BHLHE40: variants seen among roughly 807,000 people sequenced by gnomAD.
BHLHE40 encodes the protein basic helix-loop-helix family member e40.
A neutral mutation model predicts 35.7 loss-of-function variants in BHLHE40; 3 were observed. That is an observed-to-expected ratio of 0.08 (90% CI 0.04 to 0.22). BHLHE40 has a LOEUF of 0.22. BHLHE40 is among the 10% of genes least tolerant of loss of function. BHLHE40 has a pLI of 1.00. For missense variants in BHLHE40, 486 were observed against 524.0 expected, an observed-to-expected ratio of 0.93 and a Z score of 0.71; for synonymous variants, 236 against 213.0, an observed-to-expected ratio of 1.11 and a Z score of -0.94.
rs1437704997 is a variant in BHLHE40 at position 4,980,220 on chromosome 3, C to T, written c.151-81C>T. On this transcript the variant is annotated intron_variant, in intron 2 of 4. Coordinates refer to ENST00000256495, the MANE Select transcript of BHLHE40 (RefSeq NM_003670.3). ...CTACTCTGCTACTCTGCTCCTCTGC[C>T]GGACTGTTGCTGCGGGGCTGGGAGG... 2.3e-6 allele frequency: 3 copies of T among 1,316,448 alleles called. No homozygotes were observed. In the Admixed American group the frequency reaches 5.1e-5, roughly 23 times the overall value. The allele number at this position is 1,316,448 out of a possible 1,614,324, so 81.5% of individuals were successfully genotyped here.
intron 4 of BHLHE40, 38 bp from the exon 5 acceptor site, chr3:4,982,798 C>T: frequency 6.2e-7 from 1 of 1,612,408 alleles, no homozygotes; most frequent in South Asian, 1.1e-5. Context: ...CGCCACAGGC[C>T]TTCTGAAACG....
At chr3:4,980,229 G>C (rs556258872) in intron 2 of BHLHE40, 72 bp from the exon 3 acceptor site, 86 of 1,371,146 alleles carry the variant, frequency 6.3e-5, no homozygotes, top group African/African-American at 6.1e-4. Context: ...CCGGACTGTT[G>C]CTGCGGGGCT....
chr3:4,979,637 C>A lies in BHLHE40; in HGVS notation c.-82C>A. On this transcript the variant is annotated 5_prime_UTR_variant, in exon 1 of 5. Coordinates refer to ENST00000256495, the MANE Select transcript of BHLHE40 (RefSeq NM_003670.3). ...AGAGGAACATCTGCGGAGAGACCCC[C>A]GAAGCCCTCTCCAGGGCAGTCCTCA... The A allele has an allele frequency of 1.4e-6, 2 of 1,408,306 alleles. No homozygotes were observed. The highest frequency in any genetic ancestry group is 9.7e-7 in the Non-Finnish European group (1 of 1,026,544). The allele number at this position is 1,408,306 out of a possible 1,614,324, so 87.2% of individuals were successfully genotyped here.
chr3:4,983,850 G>A lies in BHLHE40; in HGVS notation c.*158G>A, dbSNP rs79071212. 1,615 of 955,996 alleles carry A rather than the reference G, an allele frequency of 1.7e-3. No homozygotes were observed. The highest frequency in any genetic ancestry group is 2.1e-3 in the East Asian group (84 of 39,306). The allele number at this position is 955,996 out of a possible 1,614,324, so 59.2% of individuals were successfully genotyped here. Reference sequence around the variant, plus strand: ...TCAGGGTGTGTGTGTGTGTGTGTGTGTGTGTATGTGCGTGTGCGTGCACAT... The same window carrying A: ...TCAGGGTGTGTGTGTGTGTGTGTGTATGTGTATGTGCGTGTGCGTGCACAT... On this transcript the variant is annotated 3_prime_UTR_variant, in exon 5 of 5. Coordinates refer to ENST00000256495, the MANE Select transcript of BHLHE40 (RefSeq NM_003670.3). The surrounding 1 kb of genome is among the most constrained non-coding windows in gnomAD (Gnocchi z 5.0).
intron 3 of BHLHE40, among the ~76,000 whole-genome samples, chr3:4,981,142 GTTTT>G (rs1158020919): frequency 6.8e-6 from 1 of 147,772 alleles, no homozygotes; most frequent in African/African-American, 2.5e-5. Context: ...GGTGGCACCC[GTTTT>G]TTTAAATTAT....
At chr3:4,981,217 CAT>C (rs1383983656) in intron 3 of BHLHE40, among the ~76,000 whole-genome samples, 173 bp from the exon 4 acceptor site, 5 of 129,336 alleles carry the variant, frequency 3.9e-5, no homozygotes, top group African/African-American at 8.8e-5. Flanking sequence ...CACACACACA[CAT>C]ATATGAGTGT....
chr3:4,984,923 A>G lies in BHLHE40; in HGVS notation c.*1231A>G, dbSNP rs2053233643. ...ATTTGTAAAGCTGTTATAAATATAT[A>G]TTATATAAATATATTAAAAAGGAAA... On this transcript the variant is annotated 3_prime_UTR_variant, in exon 5 of 5. Transcript: ENST00000256495. The G allele has an allele frequency of 6.6e-6, 1 of 151,704 alleles. No individual in the cohort carries two copies. The highest frequency in any genetic ancestry group is 1.5e-5 in the Non-Finnish European group (1 of 67,790). The allele number at this position is 151,704 out of a possible 1,614,324, so 9.4% of individuals were successfully genotyped here.
chr3:4,983,653 G>C lies in BHLHE40; in HGVS notation c.1200G>C (p.Leu400=). ...ACTCTTCTGTCTTGCTCCAAGCTCT[G>C]AAGCCAATCCCCCCTTTAAACTTAG... ...SVDSSVLLQA[L]KPIPPLNLET... The change falls in exon 5 of 5, where the codon CTG becomes CTC. Residue 400 remains leucine, a synonymous_variant. Transcript: ENST00000256495. The surrounding 1 kb of genome is among the most constrained non-coding windows in gnomAD (Gnocchi z 5.0). The C allele has an allele frequency of 6.2e-7, 1 of 1,613,442 alleles. No homozygotes were observed. The highest frequency in any genetic ancestry group is 8.5e-7 in the Non-Finnish European group (1 of 1,179,630).
chr3:4,979,506 G>C lies in BHLHE40; in HGVS notation c.-213G>C. On this transcript the variant is annotated 5_prime_UTR_variant, in exon 1 of 5. Transcript: ENST00000256495. The stretch of plus-strand genomic sequence containing the variant: ...ACACCGCCAGTCTGTGCGCTGAGTC[G>C]GAGCCAGAGGCCGCGGGGACACCGG... 3.3e-6 allele frequency: 2 copies of C among 603,580 alleles called. No homozygotes were observed. Among genetic ancestry groups the C allele is most frequent in the Non-Finnish European group, 2.9e-6 (1 of 341,494 alleles). The allele number at this position is 603,580 out of a possible 1,614,324, so 37.4% of individuals were successfully genotyped here. A position where few individuals can be genotyped will look rare whatever the true frequency, so the allele number is the denominator to read the frequency against.
chr3:4,984,281 T>TG lies in BHLHE40; in HGVS notation c.*593dup, dbSNP rs1201099095. ...GCACTGGCATAGCACGGTAGTGGTT[T>TG]GGGGAGGTTTCCGCAGGTCTGCTCC... On this transcript the variant is annotated 3_prime_UTR_variant, in exon 5 of 5. Transcript: ENST00000256495. 2 of 152,668 alleles carry TG rather than the reference T, an allele frequency of 1.3e-5. No individual in the cohort carries two copies. Among genetic ancestry groups the TG allele is most frequent in the African/African-American group, 4.8e-5 (2 of 41,422 alleles). 9.5% of individuals were successfully genotyped at this position (152,668 alleles called of 1,614,324 possible). A position where few individuals can be genotyped will look rare whatever the true frequency, so the allele number is the denominator to read the frequency against.
Position 4,979,987 on chromosome 3 carries a change from G to C in BHLHE40, c.106G>C (p.Val36Leu), listed in dbSNP as rs1350689038. The change falls in exon 2 of 5, where the codon GTG becomes CTG. Residue 36 changes from valine to leucine, a missense_variant. Physicochemically the swap from Val to Leu is conservative, Grantham distance 32. Around this residue, in one of 5 missense-constraint regions of BHLHE40, gnomAD observed 87 missense variants for 66.7 expected, o/e 1.30. Coordinates refer to ENST00000256495, the MANE Select transcript of BHLHE40 (RefSeq NM_003670.3). ...GATGTACCCTGCCCACATGTACCAA[G>C]TGTACAAGTCAAGACGGGGAATAAA... The part of the protein sequence containing the change: ...PGMYPAHMYQ[V>L]YKSRRGIKRS... The C allele has an allele frequency of 1.2e-6, 2 of 1,614,186 alleles. No individual in the cohort carries two copies. The highest frequency in any genetic ancestry group is 2.2e-5 in the East Asian group (1 of 44,884).
chr3:4,981,576 G>T, intron 4 of BHLHE40, 61 bp downstream of exon 4: 1 of 1,578,708 alleles, frequency 6.3e-7, no homozygotes, highest in Non-Finnish European at 8.6e-7. Context: ...AGAGCCCGTG[G>T]GCTCAACATC....
Position 4,983,232 on chromosome 3 carries a change from G to A in BHLHE40, c.779G>A (p.Cys260Tyr), listed in dbSNP as rs1416723461. The stretch of plus-strand genomic sequence containing the variant: ...GGCGACTTGCGCAGTGAGCAGCCGT[G>A]CTTCAAAAGTGACCACGGACGCAGG... Reference protein sequence around the residue: ...EKGDLRSEQPCFKSDHGRRFT... With the variant: ...EKGDLRSEQPYFKSDHGRRFT... The change falls in exon 5 of 5, where the codon TGC (cysteine) becomes TAC (tyrosine). Residue 260 changes from cysteine (C) to tyrosine (Y), a missense_variant. By Grantham distance (194) the Cys-to-Tyr change is radical (BLOSUM62 -2). Transcript: ENST00000256495. This position sits in a 1 kb window ranked among gnomAD's most constrained non-coding sequence, Gnocchi z 5.0. 6.2e-7 allele frequency: 1 copy of A among 1,614,226 alleles called. No individual in the cohort carries two copies. The highest frequency in any genetic ancestry group is 1.1e-5 in the South Asian group (1 of 91,086).
chr3:4,980,537 C>CG lies in BHLHE40; in HGVS notation c.258+131dup, dbSNP rs540941622. 26 of 701,050 alleles carry CG rather than the reference C, an allele frequency of 3.7e-5. No homozygotes were observed. In the East Asian group the frequency reaches 6.6e-4, roughly 18 times the overall value. 43.4% of individuals were successfully genotyped at this position (701,050 alleles called of 1,614,324 possible). ...GGATCAGAGCTGGCGGGTGGCTCTG[C>CG]GGTGGGGTCCTCCTCCACAGTCCTG... On this transcript the variant is annotated intron_variant, in intron 3 of 4. Transcript: ENST00000256495.
intron 4 of BHLHE40, among the ~76,000 whole-genome samples, chr3:4,982,285 A>G (rs1475410780): frequency 1.3e-5 from 2 of 152,244 alleles, no homozygotes; most frequent in East Asian, 3.8e-4. Context: ...GATCATGGAT[A>G]GAATATGTGG....
chr3:4,983,655 A>T lies in BHLHE40; in HGVS notation c.1202A>T (p.Lys401Met). 6.2e-7 allele frequency: 1 copy of T among 1,613,348 alleles called. No individual in the cohort carries two copies. Among genetic ancestry groups the T allele is most frequent in the Non-Finnish European group, 8.5e-7 (1 of 1,179,514 alleles). ...TCTTCTGTCTTGCTCCAAGCTCTGAAGCCAATCCCCCCTTTAAACTTAGAA... is the reference window on the plus strand; with the variant it reads ...TCTTCTGTCTTGCTCCAAGCTCTGATGCCAATCCCCCCTTTAAACTTAGAA... ...VDSSVLLQAL[K>M]PIPPLNLETK... Residue 401 changes from lysine to methionine, a missense_variant, in exon 5 of 5, where the codon AAG becomes ATG. By Grantham distance (95) the Lys-to-Met change is moderately conservative. Transcript: ENST00000256495. This position sits in a 1 kb window ranked among gnomAD's most constrained non-coding sequence, Gnocchi z 5.0.
Position 4,983,700 on chromosome 3 carries a change from A to G in BHLHE40, c.*8A>G. The stretch of plus-strand genomic sequence containing the variant: ...TTAGAAACCAAAGACTAAACTCTCT[A>G]GGGGATCCTGCTGCTTTGCTTTCCT... On this transcript the variant is annotated 3_prime_UTR_variant, in exon 5 of 5. Coordinates refer to ENST00000256495, the MANE Select transcript of BHLHE40 (RefSeq NM_003670.3). The surrounding 1 kb of genome is among the most constrained non-coding windows in gnomAD (Gnocchi z 5.0). The G allele has an allele frequency of 1.9e-6, 3 of 1,577,928 alleles. No individual in the cohort carries two copies. The highest frequency in any genetic ancestry group is 1.7e-6 in the Non-Finnish European group (2 of 1,163,564).
In BHLHE40 at chr3:4,979,606, A is replaced by T. The variant is rs1559235885; in HGVS notation, c.-113A>T. ...CAGCCCAGGGGATTTCAAAGAGCTC[A>T]GACTCAGAGGAACATCTGCGGAGAG... is the stretch of plus-strand genomic sequence containing the variant. On this transcript the variant is annotated 5_prime_UTR_variant, in exon 1 of 5. Transcript: ENST00000256495. 4.5e-6 allele frequency: 5 copies of T among 1,111,764 alleles called. No homozygotes were observed. The highest frequency in any genetic ancestry group is 6.5e-6 in the Non-Finnish European group (5 of 774,296). 68.9% of individuals were successfully genotyped at this position (1,111,764 alleles called of 1,614,324 possible). A position where few individuals can be genotyped will look rare whatever the true frequency, so the allele number is the denominator to read the frequency against.
In BHLHE40 at chr3:4,979,497, C is replaced by T; in HGVS notation, c.-222C>T. ...AGGGAGCACACACCGCCAGTCTGTGCGCTGAGTCGGAGCCAGAGGCCGCGG... is the reference window on the plus strand; with the variant it reads ...AGGGAGCACACACCGCCAGTCTGTGTGCTGAGTCGGAGCCAGAGGCCGCGG... On this transcript the variant is annotated 5_prime_UTR_variant, in exon 1 of 5. Coordinates refer to ENST00000256495, the MANE Select transcript of BHLHE40 (RefSeq NM_003670.3). 4 of 592,272 alleles carry T rather than the reference C, an allele frequency of 6.8e-6. No homozygotes were observed. Among genetic ancestry groups the T allele is most frequent in the Non-Finnish European group, 1.2e-5 (4 of 333,098 alleles). The allele number at this position is 592,272 out of a possible 1,614,324, so 36.7% of individuals were successfully genotyped here.
Sources: gnomAD v4.1 joint callset for allele counts (sites outside exome capture counted in the v4.1 genomes callset) on GRCh38, gnomAD v4.1.1 for gene constraint, gnomAD v4.1.1 regional missense constraint, Gnocchi (gnomAD v3.1) non-coding constraint, MANE v1.5 for transcripts, NCBI Gene and HGNC (gene_info 2026-07-23, HGNC 2026-07-21) for gene names.